Variants in GHR observed in about 807,000 individuals in gnomAD.
GHR encodes GH receptor.
GHR carries 35 observed loss-of-function variants against 67.1 expected under a neutral mutation model. The ratio of observed to expected loss-of-function variants is 0.52; its 90% CI spans 0.40 to 0.69. The LOEUF is 0.69. Ranked by LOEUF, GHR falls within the 30% of genes least tolerant of loss-of-function variation. GHR has a pLI of 0.00. For missense variants in GHR, 792 were observed against 764.6 expected (o/e 1.04, Z -0.42); for synonymous variants, 272 against 269.1 (o/e 1.01, Z -0.10).
chr5:42,517,639 G>T (rs1747296979), intron 1 of GHR, among the ~76,000 whole-genome samples: 2 of 152,124 alleles, frequency 1.3e-5, no homozygotes, highest in African/African-American at 2.4e-5. Flanking sequence ...AAGAAGTGAA[G>T]TATTTGGTAT....
rs10684580 is a variant in GHR at position 42,634,521 on chromosome 5, G to GCACACACACACA, written c.136+5430_136+5441dup. ...ATTTCACGGATGGTTATTGAATTTT[G>GCACACACACACA]CACACACACACACACACACACACTG... is the stretch of plus-strand genomic sequence containing the variant. On this transcript the variant is annotated intron_variant, in intron 3 of 9. Coordinates refer to ENST00000230882, the MANE Select transcript of GHR (RefSeq NM_000163.5). Among the ~76,000 whole-genome samples, 623 of 148,924 alleles carry GCACACACACACA rather than the reference G, an allele frequency of 4.2e-3. 2 individuals carry two copies. Among genetic ancestry groups the GCACACACACACA allele is most frequent in the African/African-American group, 0.015 (589 of 40,596 alleles).
At chr5:42,663,922 A>G (rs1432584455) in intron 3 of GHR, among the ~76,000 whole-genome samples, 1 of 152,200 alleles carries the variant, frequency 6.6e-6, no homozygotes, top group Non-Finnish European at 1.5e-5. Context: ...TCAATGTGCA[A>G]AAATCACAAG....
At chr5:42,639,350 C>T (rs1472621876) in intron 3 of GHR, among the ~76,000 whole-genome samples, 2 of 152,142 alleles carry the variant, frequency 1.3e-5, no homozygotes, top group Non-Finnish European at 2.9e-5. Flanking sequence ...AACCTGAAAC[C>T]TCACAGAATC....
rs150106293 is a variant in GHR, at chr5:42,668,228, G to A, written c.137-20662G>A. Among the ~76,000 whole-genome samples, 17 of 152,232 alleles carry A rather than the reference G, an allele frequency of 1.1e-4. 1 individual carries two copies. The East Asian group carries it at 3.1e-3, about 28-fold the overall frequency. On this transcript the variant is annotated intron_variant, in intron 3 of 9. Coordinates refer to ENST00000230882, the MANE Select transcript of GHR (RefSeq NM_000163.5). ...GAAAAAGAAAGTTTAGATAGGCAAG[G>A]GGGTAGGAGATATTGAGGCTTTCAA... is the stretch of plus-strand genomic sequence containing the variant.
At chr5:42,480,276 T>C (rs1561330769) in intron 1 of GHR, among the ~76,000 whole-genome samples, 1 of 152,220 alleles carries the variant, frequency 6.6e-6, no homozygotes, top group Non-Finnish European at 1.5e-5. Context: ...TTCTGTTCTC[T>C]TACATTTGCT....
At chr5:42,438,224 C>T (rs1235160280) in intron 1 of GHR, among the ~76,000 whole-genome samples, 2 of 152,196 alleles carry the variant, frequency 1.3e-5, no homozygotes. Context: ...TAATTGTACA[C>T]TTGGTGAAAC....
intron 1 of GHR, among the ~76,000 whole-genome samples, chr5:42,477,047 A>G (rs1490519737): frequency 1.1e-5 from 1 of 90,094 alleles, no homozygotes; most frequent in East Asian, 3.9e-4. Context: ...CCCACCCCAC[A>G]ACAGTCCCCA....
intron 4 of GHR, among the ~76,000 whole-genome samples, chr5:42,691,802 C>T (rs912040872): frequency 6.6e-6 from 1 of 152,242 alleles, no homozygotes; most frequent in African/African-American, 2.4e-5. Context: ...CATGTTAGAG[C>T]AGCAGATTCA....
At chr5:42,670,881 A>G (rs1756253416) in intron 3 of GHR, among the ~76,000 whole-genome samples, 1 of 22,444 alleles carries the variant, frequency 4.5e-5, no homozygotes, top group Non-Finnish European at 1.3e-4. Flanking sequence ...AAAAAAAAAA[A>G]TATATATATA....
At chr5:42,447,845 C>T (rs1045214893) in intron 1 of GHR, among the ~76,000 whole-genome samples, 3 of 151,794 alleles carry the variant, frequency 2.0e-5, no homozygotes, top group African/African-American at 7.3e-5. Context: ...CTCACTGCAA[C>T]GTCCAACCTC....
chr5:42,645,707 G>C (rs1754695276), intron 3 of GHR, among the ~76,000 whole-genome samples: 1 of 152,200 alleles, frequency 6.6e-6, no homozygotes. Flanking sequence ...TCCCAGGTCA[G>C]GGGCTTGGAG....
chr5:42,690,270 T>G (rs941201478), intron 4 of GHR, among the ~76,000 whole-genome samples: 1 of 152,182 alleles, frequency 6.6e-6, no homozygotes, highest in Non-Finnish European at 1.5e-5. Flanking sequence ...AACCTGCACT[T>G]CAGTGTAGTT....
rs114115201 is a variant in GHR, at chr5:42,488,698, T to C, written c.-12+64743T>C. 3.8e-3 allele frequency among the ~76,000 whole-genome samples: 574 copies of C among 152,288 alleles called. 4 individuals are homozygous for C. Among genetic ancestry groups the C allele is most frequent in the African/African-American group, 0.014 (564 of 41,548 alleles). On this transcript the variant is annotated intron_variant, in intron 1 of 9. Transcript: ENST00000230882. ...TTTTATCTTTCTTTATAATGTAAGT[T>C]TGTAGAGGGCAGAAACTATAAATTG...
chr5:42,577,278 C>T (rs894519300), intron 2 of GHR, among the ~76,000 whole-genome samples: 3 of 152,156 alleles, frequency 2.0e-5, no homozygotes, highest in Non-Finnish European at 2.9e-5. Context: ...AACCAGTGGA[C>T]AAGATGATTC....
At chr5:42,650,021 T>C (rs1476446978) in intron 3 of GHR, among the ~76,000 whole-genome samples, 1 of 152,152 alleles carries the variant, frequency 6.6e-6, no homozygotes, top group African/African-American at 2.4e-5. Flanking sequence ...CCTTCAACCT[T>C]CTAGTGAAGT....
Position 42,711,196 on chromosome 5 carries a change from TG to T in GHR, c.619-10del, listed in dbSNP as rs1758439136. The stretch of plus-strand genomic sequence containing the variant: ...CTTTGGCCAATATGCGTTTATATTT[TG>T]TCTTGAAAGATGGACCCTATATTGA... On this transcript the variant is annotated splice_polypyrimidine_tract_variant and intron_variant, in intron 6 of 9. Coordinates refer to ENST00000230882, the MANE Select transcript of GHR (RefSeq NM_000163.5). The T allele has an allele frequency of 6.2e-7, 1 of 1,609,224 alleles. No homozygotes were observed. The highest frequency in any genetic ancestry group is 8.5e-7 in the Non-Finnish European group (1 of 1,175,738).
chr5:42,653,130 G>A (rs1187323818), intron 3 of GHR, among the ~76,000 whole-genome samples: 1 of 152,074 alleles, frequency 6.6e-6, no homozygotes, highest in African/African-American at 2.4e-5. Context: ...ATAAACATTG[G>A]CTCTTGTTAT....
chr5:42,527,662 A>G (rs1354200489), intron 1 of GHR, among the ~76,000 whole-genome samples: 1 of 152,200 alleles, frequency 6.6e-6, no homozygotes, highest in African/African-American at 2.4e-5. Context: ...GCAGAAAATT[A>G]ACAAAGACAT....
intron 2 of GHR, among the ~76,000 whole-genome samples, chr5:42,588,257 T>G (rs1751588188): frequency 6.6e-6 from 1 of 152,022 alleles, no homozygotes; most frequent in Admixed American, 6.5e-5. Context: ...CTGTGGTTCA[T>G]GCCTGTAATC....
Sources: gnomAD v4.1 joint callset for allele counts (sites outside exome capture counted in the v4.1 genomes callset) on GRCh38, gnomAD v4.1.1 for gene constraint, MANE v1.5 for transcripts, NCBI Gene and HGNC (gene_info 2026-07-23, HGNC 2026-07-21) for gene names.